Variants in KIR2DL3 observed in about 807,000 individuals in gnomAD.
KIR2DL3 encodes killer cell immunoglobulin like receptor, two Ig domains and long cytoplasmic tail 3.
A neutral mutation model predicts 33.8 loss-of-function variants in KIR2DL3; 39 were observed. That is an observed-to-expected ratio of 1.15 (90% confidence interval 0.89 to 1.51). KIR2DL3 has a LOEUF of 1.51. Among genes scored for constraint, KIR2DL3 ranks in the 40% most tolerant of loss-of-function variants. The probability of loss-of-function intolerance (pLI) is 0.00; values close to 1 mark genes in which losing one functional copy is unlikely to be tolerated. For synonymous variants in KIR2DL3, 174 were observed against 160.2 expected (o/e 1.09, Z -0.65); for missense variants, 462 against 426.2 (o/e 1.08, Z -0.74).
chr19:54,746,247 G>A (rs62122555), intron 4 of KIR2DL3, among the ~76,000 whole-genome samples: 52,710 of 113,648 alleles, frequency 0.46, 17,315 homozygotes, highest in Middle Eastern at 0.64. Context: ...CAATTAAATC[G>A]TTTGTTTTAT....
At position 54,744,465 on chromosome 19, in the gene KIR2DL3, T is replaced by C. The variant is rs1471884700; in HGVS notation, c.664+377T>C. Among the ~76,000 whole-genome samples the C allele has an allele frequency of 2.0e-5, 3 of 152,146 alleles. No homozygotes were observed. In the East Asian group the frequency reaches 5.8e-4, roughly 29 times the overall value. On this transcript the variant is annotated intron_variant, in intron 4 of 7. Transcript: ENST00000342376. ...GTCATCACCAGCAACCCCTACACCC[T>C]TTACTTTTGTTTGAAGAAATATTTA...
At chr19:54,745,530 T>C (rs2072333383) in intron 4 of KIR2DL3, among the ~76,000 whole-genome samples, 1 of 150,352 alleles carries the variant, frequency 6.7e-6, no homozygotes, top group Non-Finnish European at 1.5e-5. Flanking sequence ...GCCTGGCTAC[T>C]TTTTGTTTTT....
chr19:54,750,953 G>A (rs1286405180), intron 5 of KIR2DL3, among the ~76,000 whole-genome samples: 1 of 134,000 alleles, frequency 7.5e-6, no homozygotes, highest in African/African-American at 2.8e-5. Context: ...CCTCCAGGAA[G>A]AACAGGAAGA....
intron 2 of KIR2DL3, among the ~76,000 whole-genome samples, chr19:54,740,695 G>C (rs1679747090): frequency 6.6e-6 from 1 of 151,978 alleles, no homozygotes. Flanking sequence ...AATGGGTGCT[G>C]TGGTGGGAAG....
At chr19:54,741,079 A>G (rs2070996093) in intron 2 of KIR2DL3, among the ~76,000 whole-genome samples, 1 of 151,928 alleles carries the variant, frequency 6.6e-6, no homozygotes, top group South Asian at 2.1e-4. Context: ...CAGTACTGGA[A>G]GGTGTCAGTG....
intron 5 of KIR2DL3, among the ~76,000 whole-genome samples, chr19:54,748,639 T>C (rs1056235715): frequency 3.4e-5 from 5 of 147,380 alleles, no homozygotes; most frequent in African/African-American, 1.3e-4. Flanking sequence ...TTTTGTTTAT[T>C]GAGACAGAGT....
At chr19:54,740,501 C>A (rs568026624) in intron 2 of KIR2DL3, among the ~76,000 whole-genome samples, 60 of 151,830 alleles carry the variant, frequency 4.0e-4, no homozygotes, top group African/African-American at 1.4e-3. Flanking sequence ...CACACACACT[C>A]CCCCAGTGGG....
intron 2 of KIR2DL3, among the ~76,000 whole-genome samples, chr19:54,741,082 T>C (rs1435357477): frequency 6.7e-6 from 1 of 149,676 alleles, no homozygotes; most frequent in Non-Finnish European, 1.5e-5. Flanking sequence ...TACTGGAAGG[T>C]GTCAGTGTGG....
Position 54,751,644 on chromosome 19 carries a change from T to C in KIR2DL3, c.716-5T>C. 2 of 1,495,016 alleles carry C rather than the reference T, an allele frequency of 1.3e-6. 1 individual carries two copies. Among genetic ancestry groups the C allele is most frequent in the Non-Finnish European group, 1.8e-6 (2 of 1,099,840 alleles). 92.6% of individuals were successfully genotyped at this position (1,495,016 alleles called of 1,614,324 possible). ...GCTTCTTATTGGTGTCTCCTCTTCT[T>C]CCAGGTAACCCCAGACACCTGCATG... On this transcript the variant is annotated splice_polypyrimidine_tract_variant and splice_region_variant and intron_variant, in intron 5 of 7. Coordinates refer to ENST00000342376, the MANE Select transcript of KIR2DL3 (RefSeq NM_015868.3).
At chr19:54,746,398 G>GT (rs973212059) in intron 4 of KIR2DL3, among the ~76,000 whole-genome samples, 4 of 144,360 alleles carry the variant, frequency 2.8e-5, no homozygotes, top group Non-Finnish European at 6.1e-5. Flanking sequence ...TTAGTTTGAG[G>GT]TAATCCCAAT....
chr19:54,750,166 C>G (rs2073193241), intron 5 of KIR2DL3, among the ~76,000 whole-genome samples: 1 of 132,410 alleles, frequency 7.6e-6, no homozygotes, highest in Non-Finnish European at 1.7e-5. Context: ...AAAACTTGCC[C>G]ACTCACCCAA....
chr19:54,742,410 G>A lies in KIR2DL3; in HGVS notation c.370+131G>A, dbSNP rs2071345418. Reference sequence around the variant, plus strand: ...GAGAGAGACTGACTTGCTGAGGTTTGTACCAACAGAGACAGAGAAACAGGA... The same window carrying A: ...GAGAGAGACTGACTTGCTGAGGTTTATACCAACAGAGACAGAGAAACAGGA... On this transcript the variant is annotated intron_variant, in intron 3 of 7. Coordinates refer to ENST00000342376, the MANE Select transcript of KIR2DL3 (RefSeq NM_015868.3). The A allele has an allele frequency of 2.9e-5, 39 of 1,344,356 alleles. No homozygotes were observed. In the South Asian group the frequency reaches 4.7e-4, roughly 16 times the overall value. 83.3% of individuals were successfully genotyped at this position (1,344,356 alleles called of 1,614,324 possible). A position where few individuals can be genotyped will look rare whatever the true frequency, so the allele number is the denominator to read the frequency against.
chr19:54,743,659 A>G, intron 3 of KIR2DL3, 136 bp from the exon 4 acceptor site: 1 of 986,232 alleles, frequency 1.0e-6, no homozygotes, highest in Non-Finnish European at 1.4e-6. Context: ...AGACATGAAG[A>G]GAGATGGGGT....
chr19:54,740,047 T>C (rs2070726672), intron 2 of KIR2DL3, among the ~76,000 whole-genome samples: 1 of 151,760 alleles, frequency 6.6e-6, no homozygotes, highest in African/African-American at 2.4e-5. Context: ...TATTAAAATC[T>C]AGTAGGAGTC....
intron 5 of KIR2DL3, among the ~76,000 whole-genome samples, chr19:54,751,021 A>ATTTT (rs1569015856): frequency 8.7e-6 from 1 of 114,508 alleles, no homozygotes; most frequent in African/African-American, 3.4e-5. Context: ...GTCTTAGTCC[A>ATTTT]TTTTTGTTGC....
intron 4 of KIR2DL3, among the ~76,000 whole-genome samples, chr19:54,744,724 A>C (rs1177612233): frequency 6.7e-6 from 1 of 150,006 alleles, no homozygotes; most frequent in South Asian, 2.1e-4. Flanking sequence ...AGGGGGTTTC[A>C]CCATGTTGGT....
intron 4 of KIR2DL3, 110 bp downstream of exon 4, chr19:54,744,198 C>T: frequency 6.6e-7 from 1 of 1,519,826 alleles, no homozygotes; most frequent in Non-Finnish European, 9.0e-7. Context: ...GAAGACGAAG[C>T]TTGGGTGTGA....
At chr19:54,739,312 G>T (rs13344481) in intron 1 of KIR2DL3, among the ~76,000 whole-genome samples, 195 bp from the exon 2 acceptor site, 15,731 of 114,498 alleles carry the variant, frequency 0.14, 2 homozygotes, top group South Asian at 0.2. Context: ...TATGGGCTTG[G>T]GGTGGGGATA....
At chr19:54,741,382 T>C (rs2071069645) in intron 2 of KIR2DL3, among the ~76,000 whole-genome samples, 1 of 151,518 alleles carries the variant, frequency 6.6e-6, no homozygotes, top group African/African-American at 2.4e-5. Context: ...AAGGAGAAGG[T>C]TGGCTACCCT....
Sources: allele counts gnomAD v4.1 joint callset (sites outside exome capture counted in the v4.1 genomes callset), GRCh38; gene constraint gnomAD v4.1.1; transcripts MANE v1.5; gene names NCBI Gene and HGNC (gene_info 2026-07-23, HGNC 2026-07-21).